Variants in ATOSB observed in about 807,000 individuals in gnomAD.
ATOSB encodes atos homolog B, also known as atos homolog protein B.
At chr9:35,108,155 C>A in the ATOSB span, 3 of 1,580,426 alleles carry the variant, frequency 1.9e-6, no homozygotes, top group Non-Finnish European at 2.6e-6. Context: ...ATGTCGCCCC[C>A]CCTGCTGGGC....
chr9:35,106,399 C>A, the ATOSB span: 64 of 1,614,064 alleles, frequency 4.0e-5, no homozygotes, highest in Non-Finnish European at 5.2e-5. The surrounding 1 kb of genome is among the most constrained non-coding windows in gnomAD (Gnocchi z 4.6). Flanking sequence ...AACGTCCTCG[C>A]AGCAATGATT....
At chr9:35,107,727 A>T in the ATOSB span, 1 of 1,595,524 alleles carries the variant, frequency 6.3e-7, no homozygotes, top group South Asian at 1.1e-5. Context: ...AAGTGTGTGC[A>T]GCTGGCCTGG....
chr9:35,109,235 C>G, the ATOSB span: 30 of 152,466 alleles, frequency 2.0e-4, no homozygotes, highest in African/African-American at 7.0e-4. Context: ...GTACAAATTT[C>G]AAGTCAGCTC....
At chr9:35,105,228 A>T in the ATOSB span, 2 of 1,612,548 alleles carry the variant, frequency 1.2e-6, no homozygotes, top group Non-Finnish European at 1.7e-6. This position sits in a 1 kb window ranked among gnomAD's most constrained non-coding sequence, Gnocchi z 5.5. Flanking sequence ...CAATCAGGGC[A>T]AAGGTGAATA....
chr9:35,112,773 C>T, the ATOSB span, among the ~76,000 whole-genome samples: 12 of 152,172 alleles, frequency 7.9e-5, no homozygotes, highest in African/African-American at 2.9e-4. Context: ...AAAGTCCATT[C>T]TTCTACAGTT....
chr9:35,106,670 G>T, the ATOSB span: 4 of 1,520,866 alleles, frequency 2.6e-6, no homozygotes, highest in Non-Finnish European at 3.6e-6. This position sits in a 1 kb window ranked among gnomAD's most constrained non-coding sequence, Gnocchi z 4.6. Flanking sequence ...AACACAGGGG[G>T]TTGGCTTGAG....
the ATOSB span, chr9:35,109,086 G>C: frequency 6.6e-6 from 1 of 152,202 alleles, no homozygotes; most frequent in Non-Finnish European, 1.5e-5. Context: ...GCCAGGGGAA[G>C]AATTCAGCTT....
chr9:35,105,209 G>C, the ATOSB span: 6 of 1,607,794 alleles, frequency 3.7e-6, no homozygotes, highest in South Asian at 4.4e-5. This position sits in a 1 kb window ranked among gnomAD's most constrained non-coding sequence, Gnocchi z 5.5. Context: ...CATGGGTTCA[G>C]AGTGCTGGCA....
At chr9:35,108,372 A>C in the ATOSB span, 64 of 1,424,110 alleles carry the variant, frequency 4.5e-5, no homozygotes, top group African/African-American at 7.3e-4. Flanking sequence ...AGAGAAGAAA[A>C]GGTGGTCAGG....
chr9:35,106,895 C>T, the ATOSB span: 59 of 1,566,198 alleles, frequency 3.8e-5, no homozygotes, highest in Admixed American at 9.2e-4. The surrounding 1 kb of genome is among the most constrained non-coding windows in gnomAD (Gnocchi z 4.6). Context: ...TTGGGTCCTA[C>T]GGAGAGAAAT....
chr9:35,110,364 G>C, the ATOSB span: 1 of 152,530 alleles, frequency 6.6e-6, no homozygotes, highest in East Asian at 1.9e-4. Flanking sequence ...GGTCATCCCA[G>C]TTGCCCTCTT....
At chr9:35,105,215 T>C in the ATOSB span, 1 of 1,608,870 alleles carries the variant, frequency 6.2e-7, no homozygotes, top group Admixed American at 1.7e-5. The surrounding 1 kb of genome is among the most constrained non-coding windows in gnomAD (Gnocchi z 5.5). Context: ...TTCAGAGTGC[T>C]GGCAATCAGG....
chr9:35,107,864 A>T, the ATOSB span: 1 of 1,595,538 alleles, frequency 6.3e-7, no homozygotes, highest in Non-Finnish European at 8.5e-7. Flanking sequence ...AGGCCCCCGA[A>T]GTCCAAGATG....
chr9:35,109,113 C>A, the ATOSB span: 1 of 152,320 alleles, frequency 6.6e-6, no homozygotes, highest in Non-Finnish European at 1.5e-5. Flanking sequence ...TCAAAGCCAC[C>A]AAATTGCACA....
At chr9:35,109,009 C>A in the ATOSB span, 3 of 152,146 alleles carry the variant, frequency 2.0e-5, no homozygotes, top group Admixed American at 1.3e-4. Context: ...TTTGAGGACT[C>A]CTGCCCTACA....
chr9:35,107,695 C>T, the ATOSB span: 19 of 1,607,906 alleles, frequency 1.2e-5, no homozygotes, highest in East Asian at 3.3e-4. Context: ...CCTATTTGTG[C>T]AAGACTGTGC....
the ATOSB span, chr9:35,106,674 G>C: frequency 6.6e-7 from 1 of 1,513,808 alleles, no homozygotes; most frequent in Non-Finnish European, 9.0e-7. The surrounding 1 kb of genome is among the most constrained non-coding windows in gnomAD (Gnocchi z 4.6). Flanking sequence ...CAGGGGGTTG[G>C]CTTGAGGTAT....
chr9:35,108,107 C>T, the ATOSB span: 156 of 1,555,630 alleles, frequency 1.0e-4, no homozygotes, highest in African/African-American at 1.7e-3. Flanking sequence ...AGGTACCAGC[C>T]GGAGGGGAAA....
the ATOSB span, chr9:35,111,707 C>G: frequency 1.3e-5 from 2 of 152,372 alleles, no homozygotes; most frequent in Non-Finnish European, 2.9e-5. Flanking sequence ...CATAGGAAGC[C>G]AGCCTCCCCG....
Sources: gnomAD v4.1 joint callset for allele counts (sites outside exome capture counted in the v4.1 genomes callset) on GRCh38, gnomAD v4.1.1 for gene constraint, Gnocchi (gnomAD v3.1) non-coding constraint, MANE v1.5 for transcripts, NCBI Gene and HGNC (gene_info 2026-07-23, HGNC 2026-07-21) for gene names.